The following TSHZ2 variants were observed in gnomAD, a reference collection of about 807,000 sequenced individuals.
TSHZ2 encodes the protein teashirt homolog 2.
In TSHZ2, 21 loss-of-function variants were observed where a neutral mutation model predicts 74.4. The ratio of observed to expected loss-of-function variants is 0.28; its 90% confidence interval spans 0.20 to 0.41. TSHZ2 has a LOEUF of 0.41. TSHZ2 is among the 10% of genes least tolerant of loss of function. The probability of loss-of-function intolerance (pLI) is 1.00; values close to 1 mark genes in which losing one functional copy is unlikely to be tolerated. For missense variants in TSHZ2, 1,244 were observed against 1,293.5 expected (o/e 0.96, Z 0.59); for synonymous variants, 540 against 515.3 (o/e 1.05, Z -0.65).
At chr20:53,132,469 G>A (rs897628749) in intron 1 of TSHZ2, among the ~76,000 whole-genome samples, 40 of 151,806 alleles carry the variant, frequency 2.6e-4, no homozygotes, top group Admixed American at 5.3e-4. Context: ...TAGTAGAGAC[G>A]GGGTTTCCCT....
At chr20:53,164,548 A>G (rs1988022896) in intron 1 of TSHZ2, among the ~76,000 whole-genome samples, 2 of 152,210 alleles carry the variant, frequency 1.3e-5, no homozygotes, top group African/African-American at 2.4e-5. Flanking sequence ...CTCTATCTGT[A>G]TGTCTACACT....
In TSHZ2 at chr20:53,117,317, A is replaced by G. The variant is rs566908372; in HGVS notation, c.41-136182A>G. 2.0e-5 allele frequency among the ~76,000 whole-genome samples: 3 copies of G among 152,344 alleles called. No homozygotes were observed. The South Asian group carries it at 6.2e-4, about 32-fold the overall frequency. On this transcript the variant is annotated intron_variant, in intron 1 of 2. Transcript: ENST00000371497. ...ATGGCATATCTTCCTTACCAAGAAC[A>G]ATTTGGAGTTAGCTAAACTAATTTA...
chr20:53,345,550 G>T (rs981005232), intron 2 of TSHZ2, among the ~76,000 whole-genome samples: 1 of 152,082 alleles, frequency 6.6e-6, no homozygotes, highest in African/African-American at 2.4e-5. Context: ...AAGCTGCCTT[G>T]TGAGGAACTA....
chr20:53,140,841 T>C (rs902314927), intron 1 of TSHZ2, among the ~76,000 whole-genome samples: 1 of 152,126 alleles, frequency 6.6e-6, no homozygotes, highest in Admixed American at 6.5e-5. Context: ...CCAGGTAGAA[T>C]CTGTCCAGGG....
chr20:53,460,441 G>A lies in TSHZ2; in HGVS notation c.*9-26703G>A, dbSNP rs201639167. Among the ~76,000 whole-genome samples, 65 of 152,148 alleles carry A rather than the reference G, an allele frequency of 4.3e-4. 1 individual carries two copies. The East Asian group carries it at 7.9e-3, about 19-fold the overall frequency. ...TCTCTGTATTGGTTATTCTAGTTATGCATTCTTCTAAAGTTTTTTCAAAGT... is the reference window on the plus strand; with the variant it reads ...TCTCTGTATTGGTTATTCTAGTTATACATTCTTCTAAAGTTTTTTCAAAGT... On this transcript the variant is annotated intron_variant, in intron 2 of 2. Coordinates refer to ENST00000371497, the MANE Select transcript of TSHZ2 (RefSeq NM_173485.6).
At chr20:53,353,182 T>C (rs1980719421) in intron 2 of TSHZ2, among the ~76,000 whole-genome samples, 1 of 152,176 alleles carries the variant, frequency 6.6e-6, no homozygotes, top group African/African-American at 2.4e-5. Context: ...GGGTTTAAGG[T>C]TGGTAAATCA....
chr20:53,005,839 T>C (rs11697754), intron 1 of TSHZ2, among the ~76,000 whole-genome samples: 4,226 of 152,288 alleles, frequency 0.028, 103 homozygotes, highest in South Asian at 0.074. Flanking sequence ...GAGAAATCTA[T>C]GAAATTTAAG....
At chr20:53,153,462 G>A (rs1472614899) in intron 1 of TSHZ2, among the ~76,000 whole-genome samples, 1 of 152,164 alleles carries the variant, frequency 6.6e-6, no homozygotes, top group Non-Finnish European at 1.5e-5. Flanking sequence ...CTGCAAGCAG[G>A]ATCAACTGAC....
chr20:53,298,362 AGT>A (rs1232229635), intron 2 of TSHZ2, among the ~76,000 whole-genome samples: 1 of 152,252 alleles, frequency 6.6e-6, no homozygotes, highest in Non-Finnish European at 1.5e-5. Flanking sequence ...GTCTGAGAAC[AGT>A]GAGAGAATCA....
In TSHZ2 at chr20:52,973,237, CCCCAGCGCGCGGCTCGGG is replaced by C. The variant is rs1216840611; in HGVS notation, c.-56_-39del. The C allele has an allele frequency of 1.3e-6, 2 of 1,548,746 alleles. No homozygotes were observed. The highest frequency in any genetic ancestry group is 4.9e-5 in the East Asian group (2 of 40,868). On this transcript the variant is annotated 5_prime_UTR_variant, in exon 1 of 3. Coordinates refer to ENST00000371497, the MANE Select transcript of TSHZ2 (RefSeq NM_173485.6). ...CCAGAGAGGCCAGAGAGACAGCGGG[CCCCAGCGCGCGGCTCGGG>C]GCTGGGGCGCCAGAAGTGGGACTGG...
chr20:53,346,254 C>A (rs1043743843), intron 2 of TSHZ2, among the ~76,000 whole-genome samples: 1 of 152,198 alleles, frequency 6.6e-6, no homozygotes, highest in African/African-American at 2.4e-5. Context: ...CTAATTTAAT[C>A]TGTTCCTCTC....
At chr20:53,316,597 A>G (rs1288807103) in intron 2 of TSHZ2, among the ~76,000 whole-genome samples, 1 of 151,978 alleles carries the variant, frequency 6.6e-6, no homozygotes, top group East Asian at 1.9e-4. Context: ...ATGACAAAAA[A>G]AAAAAAGGAT....
chr20:52,997,466 T>C (rs879808519), intron 1 of TSHZ2, among the ~76,000 whole-genome samples: 6 of 152,264 alleles, frequency 3.9e-5, no homozygotes, highest in Admixed American at 3.9e-4. Context: ...GACGAATTCG[T>C]GTTTGTAAGA....
At chr20:53,321,073 C>T (rs1232703814) in intron 2 of TSHZ2, among the ~76,000 whole-genome samples, 1 of 152,198 alleles carries the variant, frequency 6.6e-6, no homozygotes, top group Non-Finnish European at 1.5e-5. Flanking sequence ...AACATGCATT[C>T]CACAATTTTT....
rs896700011 is a variant in TSHZ2, at chr20:53,074,795, T to C, written c.40+101462T>C. On this transcript the variant is annotated intron_variant, in intron 1 of 2. Coordinates refer to ENST00000371497, the MANE Select transcript of TSHZ2 (RefSeq NM_173485.6). The surrounding 1 kb of genome is among the most constrained non-coding windows in gnomAD (Gnocchi z 5.9). ...AGGAACTAGCATGTGTATTACTCGT[T>C]TTTCAACAGAGATATGTATTGTTAG... is the stretch of plus-strand genomic sequence containing the variant. 5.9e-5 allele frequency among the ~76,000 whole-genome samples: 9 copies of C among 152,156 alleles called. No homozygotes were observed. Among genetic ancestry groups the C allele is most frequent in the African/African-American group, 2.2e-4 (9 of 41,428 alleles).
intron 2 of TSHZ2, among the ~76,000 whole-genome samples, chr20:53,327,589 T>C (rs2145539887): frequency 6.6e-6 from 1 of 152,364 alleles, no homozygotes; most frequent in East Asian, 1.9e-4. Context: ...AGAGATGCGA[T>C]ATTAGTCCTG....
chr20:53,320,891 C>T (rs1277585586), intron 2 of TSHZ2, among the ~76,000 whole-genome samples: 7 of 152,160 alleles, frequency 4.6e-5, no homozygotes, highest in Non-Finnish European at 7.3e-5. Context: ...ATGAAGACAT[C>T]GTTCCAGTTT....
At chr20:52,990,955 T>C (rs116102688) in intron 1 of TSHZ2, among the ~76,000 whole-genome samples, 1,628 of 152,308 alleles carry the variant, frequency 0.011, 23 homozygotes, top group African/African-American at 0.036. Flanking sequence ...ACACTGTATG[T>C]ATATTTTGAT....
chr20:53,449,885 T>C (rs1600649106), intron 2 of TSHZ2, among the ~76,000 whole-genome samples: 1 of 152,348 alleles, frequency 6.6e-6, no homozygotes, highest in Middle Eastern at 3.4e-3. Flanking sequence ...TTTGGCAACA[T>C]TGATCTACTT....
Sources: gnomAD v4.1 joint callset for allele counts (sites outside exome capture counted in the v4.1 genomes callset) on GRCh38, gnomAD v4.1.1 for gene constraint, Gnocchi (gnomAD v3.1) non-coding constraint, MANE v1.5 for transcripts, NCBI Gene and HGNC (gene_info 2026-07-23, HGNC 2026-07-21) for gene names.